Variants in SLC25A20 observed in about 807,000 individuals in gnomAD.
SLC25A20 encodes the protein mitochondrial carnitine/acylcarnitine carrier protein.
In SLC25A20, 29 loss-of-function variants were observed where a neutral mutation model predicts 39.7. The observed-to-expected ratio is 0.73, with a 90% CI of 0.54 to 1.00. SLC25A20 has a LOEUF of 1.00. Among genes scored for constraint, SLC25A20 ranks in the 50% least tolerant of loss-of-function variants. SLC25A20 has a pLI of 0.00. For missense variants in SLC25A20, 333 were observed against 379.9 expected, an observed-to-expected ratio of 0.88 and a Z score of 1.03; for synonymous variants, 103 against 142.2, an observed-to-expected ratio of 0.72 and a Z score of 1.96.
At chr3:48,876,204 G>A (rs752042331) in intron 4 of SLC25A20, among the ~76,000 whole-genome samples, 7 of 151,730 alleles carry the variant, frequency 4.6e-5, no homozygotes, top group Non-Finnish European at 7.4e-5. Context: ...TTAGTCAGAC[G>A]TGGTGGCAAG....
At chr3:48,871,084 T>C (rs1187380760) in intron 4 of SLC25A20, among the ~76,000 whole-genome samples, 1 of 151,896 alleles carries the variant, frequency 6.6e-6, no homozygotes, top group African/African-American at 2.4e-5. Flanking sequence ...CCTCAGCTTC[T>C]CAAAATGCTG....
intron 1 of SLC25A20, among the ~76,000 whole-genome samples, chr3:48,892,819 T>A (rs1467511482): frequency 1.3e-5 from 2 of 152,288 alleles, no homozygotes; most frequent in East Asian, 3.9e-4. Flanking sequence ...CTAGGTACTC[T>A]GTGGCCTAGT....
At chr3:48,867,380 G>A (rs1331522114) in intron 4 of SLC25A20, among the ~76,000 whole-genome samples, 1 of 150,826 alleles carries the variant, frequency 6.6e-6, no homozygotes, top group Non-Finnish European at 1.5e-5. Flanking sequence ...CAAGTAGCTG[G>A]GATTACAGGA....
chr3:48,871,343 TAAAAA>T (rs752213351), intron 4 of SLC25A20, among the ~76,000 whole-genome samples: 3 of 137,700 alleles, frequency 2.2e-5, no homozygotes, highest in Non-Finnish European at 4.7e-5. Context: ...TGGAACAATT[TAAAAA>T]AAAAAAAAAG....
chr3:48,897,187 G>A (rs62259533), intron 1 of SLC25A20, among the ~76,000 whole-genome samples: 3,007 of 149,514 alleles, frequency 0.02, 47 homozygotes, highest in Non-Finnish European at 0.033. Context: ...AGCAATTTGT[G>A]GTTTTGGTTT....
intron 4 of SLC25A20, among the ~76,000 whole-genome samples, chr3:48,875,075 A>AG (rs1053017791): frequency 6.7e-6 from 1 of 150,108 alleles, no homozygotes; most frequent in Non-Finnish European, 1.5e-5. Context: ...AAAAAAAAAA[A>AG]AAAAAATTAT....
chr3:48,869,811 T>C (rs2083701239), intron 4 of SLC25A20, among the ~76,000 whole-genome samples: 1 of 151,828 alleles, frequency 6.6e-6, no homozygotes, highest in East Asian at 1.9e-4. Context: ...ACTCTGTCTC[T>C]AGAAAAAAGA....
Position 48,889,536 on chromosome 3 carries a change from A to T in SLC25A20, c.198+2444T>A, listed in dbSNP as rs557520186. ...TTATTCATATGCGCTTCTGACATGG[A>T]TCCCTATCAAACTGACTGATCCAGA... is the stretch of plus-strand genomic sequence containing the variant. On this transcript the variant is annotated intron_variant, in intron 2 of 8. Transcript: ENST00000319017. Among the ~76,000 whole-genome samples, 15 of 152,034 alleles carry T rather than the reference A, an allele frequency of 9.9e-5. 1 individual carries two copies. In the South Asian group the frequency reaches 2.9e-3, roughly 30 times the overall value.
chr3:48,879,280 G>T, intron 4 of SLC25A20, 78 bp downstream of exon 4: 1 of 1,080,854 alleles, frequency 9.3e-7, no homozygotes, highest in Non-Finnish European at 1.4e-6. Flanking sequence ...CCTTTATTAA[G>T]GGTGAAAGGA....
chr3:48,897,023 C>T (rs2083914191), intron 1 of SLC25A20, among the ~76,000 whole-genome samples: 1 of 151,660 alleles, frequency 6.6e-6, no homozygotes. Context: ...TGTCAGGACA[C>T]ACAGCCCACA....
At chr3:48,857,922 C>G (rs1191542301) in intron 8 of SLC25A20, 150 bp from the exon 9 acceptor site, 2 of 642,402 alleles carry the variant, frequency 3.1e-6, no homozygotes, top group Non-Finnish European at 5.6e-6. Context: ...TCTACTCTCT[C>G]ATTTTTAAGA....
chr3:48,872,957 C>T (rs904841687), intron 4 of SLC25A20, among the ~76,000 whole-genome samples: 8 of 152,164 alleles, frequency 5.3e-5, no homozygotes, highest in Non-Finnish European at 1.0e-4. Context: ...GGTACGGTGG[C>T]TCATGTCTAT....
intron 2 of SLC25A20, among the ~76,000 whole-genome samples, chr3:48,891,514 T>C (rs1193829499): frequency 6.6e-6 from 1 of 152,076 alleles, no homozygotes; most frequent in East Asian, 1.9e-4. Context: ...ACTACAGATG[T>C]ACATGCGCTA....
chr3:48,859,013 C>A, intron 7 of SLC25A20, 79 bp downstream of exon 7: 1 of 1,129,262 alleles, frequency 8.9e-7, no homozygotes, highest in East Asian at 2.5e-5. Context: ...TCCCTAGGGC[C>A]TTATGAGCTT....
At chr3:48,895,895 T>A in intron 1 of SLC25A20, 1 of 419,360 alleles carries the variant, frequency 2.4e-6, no homozygotes, top group Non-Finnish European at 4.9e-6. Flanking sequence ...ATCCCAGCAC[T>A]TCAGGAGGCC....
intron 4 of SLC25A20, among the ~76,000 whole-genome samples, chr3:48,867,535 G>A (rs1376250622): frequency 2.7e-5 from 4 of 150,664 alleles, no homozygotes; most frequent in East Asian, 2.0e-4. Context: ...GATTACAGGC[G>A]TGAGCCACCG....
intron 3 of SLC25A20, among the ~76,000 whole-genome samples, chr3:48,880,116 C>A (rs902255513): frequency 1.3e-5 from 2 of 152,142 alleles, no homozygotes; most frequent in African/African-American, 4.8e-5. Flanking sequence ...GGACCCTGTA[C>A]AGGGAAATAG....
rs2083636264 is a variant in SLC25A20 at position 48,862,605 on chromosome 3, T to G, written c.472A>C (p.Lys158Gln). ...CGGATCCCAAACTCCTGGTACAGCT[T>G]CTTTGCACAGTCCAAGGTACCAGTG... ...KYTGTLDCAK[K>Q]LYQEFGIRGI... is the part of the protein sequence containing the mutation. Residue 158 changes from lysine to glutamine, a missense_variant, in exon 5 of 9, where the codon AAG becomes CAG. By Grantham distance (53) the Lys-to-Gln change is moderately conservative. Transcript: ENST00000319017. 1.2e-6 allele frequency: 2 copies of G among 1,613,998 alleles called. No homozygotes were observed.
intron 6 of SLC25A20, 104 bp downstream of exon 6, chr3:48,859,451 A>G (rs562054528): frequency 2.0e-6 from 2 of 1,008,482 alleles, no homozygotes; most frequent in Middle Eastern, 2.5e-4. Flanking sequence ...GAAAGCAGAC[A>G]TGGAGCCAGG....
Sources: allele counts gnomAD v4.1 joint callset (sites outside exome capture counted in the v4.1 genomes callset), GRCh38; gene constraint gnomAD v4.1.1; transcripts MANE v1.5; gene names NCBI Gene and HGNC (gene_info 2026-07-23, HGNC 2026-07-21).